AGAP1: variants seen among roughly 807,000 people sequenced by gnomAD.
AGAP1 encodes the protein ArfGAP with GTPase domain, ankyrin repeat and PH domain 1.
In AGAP1, 29 loss-of-function variants were observed where a neutral mutation model predicts 105.3. The observed-to-expected ratio is 0.28, with a 90% CI of 0.21 to 0.38. The LOEUF (loss-of-function observed/expected upper bound fraction) is 0.38, where lower values mean the gene tolerates loss of function less well. Among genes scored for constraint, AGAP1 ranks in the 10% least tolerant of loss-of-function variants. The pLI, the probability that AGAP1 is intolerant of heterozygous loss-of-function variation, is 1.00. For synonymous variants in AGAP1, 509 were observed against 485.9 expected (o/e 1.05, Z -0.63); for missense variants, 998 against 1,165.1 (o/e 0.86, Z 2.09).
rs904395800 is a variant in AGAP1 at position 235,964,342 on chromosome 2, T to C, written c.1484-4120T>C. The stretch of plus-strand genomic sequence containing the variant: ...GAGAGTTGCGTTTGCCTGTTCTGCT[T>C]ATCTCCCTGCAGGACTAGGGTTGAG... On this transcript the variant is annotated intron_variant, in intron 12 of 17. Transcript: ENST00000304032. This position sits in a 1 kb window ranked among gnomAD's most constrained non-coding sequence, Gnocchi z 4.6. 6.6e-6 allele frequency among the ~76,000 whole-genome samples: 1 copy of C among 152,114 alleles called. No individual in the cohort carries two copies. Among genetic ancestry groups the C allele is most frequent in the East Asian group, 1.9e-4 (1 of 5,190 alleles).
chr2:235,878,161 T>C (rs1156596947), intron 9 of AGAP1, among the ~76,000 whole-genome samples: 1 of 152,126 alleles, frequency 6.6e-6, no homozygotes, highest in African/African-American at 2.4e-5. Flanking sequence ...CTAAGATCCA[T>C]AGGAGGGCAG....
intron 11 of AGAP1, among the ~76,000 whole-genome samples, chr2:235,921,137 G>A (rs928801564): frequency 1.8e-4 from 28 of 152,204 alleles, no homozygotes; most frequent in Admixed American, 1.2e-3. Context: ...AAATTCAAAA[G>A]TAGAAGATGT....
chr2:235,731,338 A>T (rs1024421878), intron 3 of AGAP1, among the ~76,000 whole-genome samples: 6 of 152,242 alleles, frequency 3.9e-5, no homozygotes, highest in Admixed American at 2.0e-4. Context: ...CTTTAGGAAC[A>T]TGCCACACAC....
At chr2:235,809,552 T>C (rs1958020073) in intron 9 of AGAP1, among the ~76,000 whole-genome samples, 1 of 152,166 alleles carries the variant, frequency 6.6e-6, no homozygotes, top group Non-Finnish European at 1.5e-5. Flanking sequence ...TTGAAGCAGT[T>C]AGATGTGGAG....
intron 1 of AGAP1, among the ~76,000 whole-genome samples, chr2:235,539,081 C>T (rs139117665): frequency 5.3e-5 from 8 of 152,286 alleles, no homozygotes; most frequent in South Asian, 4.1e-4. Flanking sequence ...AAAGAGAACC[C>T]GTGCCTACCT....
chr2:236,123,703 T>TG lies in AGAP1; in HGVS notation c.2371-215dup, dbSNP rs35859488. 0.1 allele frequency among the ~76,000 whole-genome samples: 15,785 copies of TG among 151,920 alleles called. 1,087 individuals are homozygous for TG. The highest frequency in any genetic ancestry group is 0.19 in the Middle Eastern group (57 of 294). ...GTTGCACAAAGGAGGGGCTTTCAGT[T>TG]GAAAAAAAAAGACATGTTCTTTCCT... On this transcript the variant is annotated intron_variant, in intron 17 of 17. Transcript: ENST00000304032. The surrounding 1 kb of genome is among the most constrained non-coding windows in gnomAD (Gnocchi z 4.6).
rs2055708314 is a variant in AGAP1 at position 235,994,601 on chromosome 2, C to G, written c.1645+25978C>G. ...TTCCTAATTGCACTCCCTGCATTGTCTTATTCAGTCCCGACTTTCCCAACG... is the reference window on the plus strand; with the variant it reads ...TTCCTAATTGCACTCCCTGCATTGTGTTATTCAGTCCCGACTTTCCCAACG... On this transcript the variant is annotated intron_variant, in intron 13 of 17. Transcript: ENST00000304032. This position sits in a 1 kb window ranked among gnomAD's most constrained non-coding sequence, Gnocchi z 4.4. 6.6e-6 allele frequency among the ~76,000 whole-genome samples: 1 copy of G among 152,136 alleles called. No homozygotes were observed. Among genetic ancestry groups the G allele is most frequent in the South Asian group, 2.1e-4 (1 of 4,828 alleles).
At chr2:235,840,296 G>A (rs768145187) in intron 9 of AGAP1, among the ~76,000 whole-genome samples, 54 of 151,952 alleles carry the variant, frequency 3.6e-4, no homozygotes, top group Non-Finnish European at 6.8e-4. Context: ...CCATTCTGAT[G>A]GCTTCAGTGG....
intron 16 of AGAP1, among the ~76,000 whole-genome samples, chr2:236,054,054 G>T (rs1466986214): frequency 2.6e-5 from 4 of 152,202 alleles, no homozygotes; most frequent in Non-Finnish European, 5.9e-5. Flanking sequence ...CCACGTGGGA[G>T]AGACTGGCCG....
rs1032851150 is a variant in AGAP1, at chr2:235,904,578, G to C, written c.1156-4160G>C. ...TATCTTCGATCAGCATTTTCAACAA[G>C]GAACATGGAGAAGGGTAGTATCTGT... is the stretch of plus-strand genomic sequence containing the variant. On this transcript the variant is annotated intron_variant, in intron 10 of 17. Transcript: ENST00000304032. The surrounding 1 kb of genome is among the most constrained non-coding windows in gnomAD (Gnocchi z 4.2). 6.6e-6 allele frequency among the ~76,000 whole-genome samples: 1 copy of C among 152,104 alleles called. No homozygotes were observed. The highest frequency in any genetic ancestry group is 1.5e-5 in the Non-Finnish European group (1 of 68,028).
intron 1 of AGAP1, among the ~76,000 whole-genome samples, chr2:235,681,590 T>C (rs1295676123): frequency 6.6e-6 from 1 of 152,210 alleles, no homozygotes; most frequent in Non-Finnish European, 1.5e-5. Context: ...TTCTTGAGAC[T>C]AACAGTTCAA....
At chr2:235,604,201 G>A (rs1465926300) in intron 1 of AGAP1, among the ~76,000 whole-genome samples, 1 of 151,922 alleles carries the variant, frequency 6.6e-6, no homozygotes, top group Non-Finnish European at 1.5e-5. Context: ...TATATAAAAA[G>A]AATAGTGTGG....
intron 13 of AGAP1, among the ~76,000 whole-genome samples, chr2:236,010,078 T>G (rs2056457571): frequency 6.6e-6 from 1 of 150,994 alleles, no homozygotes; most frequent in Non-Finnish European, 1.5e-5. Flanking sequence ...TAAGTTTAAG[T>G]CTCAGTGATA....
rs112414744 is a variant in AGAP1, at chr2:235,546,105, G to A, written c.163+51256G>A. ...ACTGGAACAGTCTGTCTGTGAAGGGGATGTCAGAAATTCAAGGATGGGGGA... is the reference window on the plus strand; with the variant it reads ...ACTGGAACAGTCTGTCTGTGAAGGGAATGTCAGAAATTCAAGGATGGGGGA... On this transcript the variant is annotated intron_variant, in intron 1 of 17. Transcript: ENST00000304032. 4.1e-4 allele frequency among the ~76,000 whole-genome samples: 63 copies of A among 152,344 alleles called. 1 individual carries two copies. The highest frequency in any genetic ancestry group is 1.4e-3 in the African/African-American group (58 of 41,584).
chr2:236,100,694 G>A (rs2059324912), intron 16 of AGAP1, among the ~76,000 whole-genome samples: 1 of 152,072 alleles, frequency 6.6e-6, no homozygotes, highest in Non-Finnish European at 1.5e-5. Flanking sequence ...CAGACGTGGT[G>A]TGGTGCACAC....
At chr2:236,039,759 C>T (rs534176051) in intron 14 of AGAP1, among the ~76,000 whole-genome samples, 48 of 152,250 alleles carry the variant, frequency 3.2e-4, no homozygotes, top group African/African-American at 1.0e-3. Flanking sequence ...ATATGTATTA[C>T]GCTGGCTTTT....
In AGAP1 at chr2:235,728,548, G is replaced by A. The variant is rs76582124; in HGVS notation, c.310+10904G>A. On this transcript the variant is annotated intron_variant, in intron 3 of 17. Coordinates refer to ENST00000304032, the MANE Select transcript of AGAP1 (RefSeq NM_001037131.3). This position sits in a 1 kb window ranked among gnomAD's most constrained non-coding sequence, Gnocchi z 4.3. ...AGGAGGATTCTGAGGCAGGGTCTGTGTGCAGGAGGAGTGCTAGTGTGAGAG... is the reference window on the plus strand; with the variant it reads ...AGGAGGATTCTGAGGCAGGGTCTGTATGCAGGAGGAGTGCTAGTGTGAGAG... Among the ~76,000 whole-genome samples, 6 of 152,288 alleles carry A rather than the reference G, an allele frequency of 3.9e-5. No individual in the cohort carries two copies. The highest frequency in any genetic ancestry group is 1.2e-4 in the African/African-American group (5 of 41,568).
rs553641519 is a variant in AGAP1, at chr2:235,789,976, T to G, written c.674-7783T>G. ...CTGATTGGAAAATTACTCTGATGGT[T>G]TAGAATTTGTCCTGTTGAAATGTGG... On this transcript the variant is annotated intron_variant, in intron 6 of 17. Transcript: ENST00000304032. This position sits in a 1 kb window ranked among gnomAD's most constrained non-coding sequence, Gnocchi z 4.2. Among the ~76,000 whole-genome samples, 1 of 152,280 alleles carries G rather than the reference T, an allele frequency of 6.6e-6. No individual in the cohort carries two copies. The highest frequency in any genetic ancestry group is 1.9e-4 in the East Asian group (1 of 5,172).
intron 1 of AGAP1, among the ~76,000 whole-genome samples, chr2:235,707,471 G>GGC (rs1559377272): frequency 3.3e-4 from 2 of 5,984 alleles, no homozygotes; most frequent in Non-Finnish European, 5.1e-4. Flanking sequence ...CCCTCCCCAT[G>GGC]ACCCCCCCCC....
Sources: allele counts gnomAD v4.1 joint callset (sites outside exome capture counted in the v4.1 genomes callset), GRCh38; gene constraint gnomAD v4.1.1; non-coding constraint Gnocchi (gnomAD v3.1); transcripts MANE v1.5; gene names NCBI Gene and HGNC (gene_info 2026-07-23, HGNC 2026-07-21).